ANGPT1: variants seen among roughly 807,000 people sequenced by gnomAD.
ANGPT1 encodes the protein angiopoietin 1, also known as angiopoietin-1.
A neutral mutation model predicts 62.2 loss-of-function variants in ANGPT1; 17 were observed. That is an observed-to-expected ratio of 0.27 (90% CI 0.19 to 0.41). The LOEUF is 0.41. Ranked by LOEUF, ANGPT1 falls within the 10% of genes least tolerant of loss-of-function variation. ANGPT1 has a pLI of 1.00. For missense variants in ANGPT1, 478 were observed against 594.9 expected (o/e 0.80, Z 2.04); for synonymous variants, 199 against 198.9 (o/e 1.00, Z 0.00).
chr8:107,443,218 C>T (rs1033305044), intron 1 of ANGPT1, among the ~76,000 whole-genome samples: 1 of 152,156 alleles, frequency 6.6e-6, no homozygotes, highest in African/African-American at 2.4e-5. Flanking sequence ...CCCCACAGGT[C>T]AGGAACAATA....
At chr8:107,317,074 A>T (rs111654744) in intron 4 of ANGPT1, among the ~76,000 whole-genome samples, 5,964 of 152,304 alleles carry the variant, frequency 0.039, 169 homozygotes, top group Non-Finnish European at 0.06. Context: ...TTCTGCCCTT[A>T]TCCTTCTGTT....
intron 7 of ANGPT1, among the ~76,000 whole-genome samples, chr8:107,278,807 C>T (rs28463677): frequency 0.013 from 2,008 of 152,326 alleles, 51 homozygotes; most frequent in African/African-American, 0.045. Context: ...TACAGCAAGG[C>T]AACAAATTTC....
chr8:107,461,955 A>G (rs1180019246), intron 1 of ANGPT1, among the ~76,000 whole-genome samples: 4 of 152,144 alleles, frequency 2.6e-5, no homozygotes, highest in Non-Finnish European at 5.9e-5. Flanking sequence ...TTTAGTAAAC[A>G]AACCACTAGT....
At chr8:107,299,306 T>C (rs952903740) in intron 5 of ANGPT1, among the ~76,000 whole-genome samples, 1 of 148,890 alleles carries the variant, frequency 6.7e-6, no homozygotes, top group Non-Finnish European at 1.5e-5. Context: ...TGCTAAGAAT[T>C]TGTATGGGGC....
At chr8:107,368,478 T>C (rs528287856) in intron 1 of ANGPT1, among the ~76,000 whole-genome samples, 1 of 64,644 alleles carries the variant, frequency 1.5e-5, no homozygotes, top group South Asian at 6.2e-4. Context: ...TATAAGTATA[T>C]TCCTTATACT....
At chr8:107,329,775 T>A (rs58034973) in intron 3 of ANGPT1, among the ~76,000 whole-genome samples, 8,627 of 152,084 alleles carry the variant, frequency 0.057, 548 homozygotes, top group African/African-American at 0.16. Flanking sequence ...TCAAAATGCA[T>A]TTAATACTAA....
chr8:107,261,471 C>A (rs1467097274), intron 8 of ANGPT1, among the ~76,000 whole-genome samples: 5 of 151,308 alleles, frequency 3.3e-5, no homozygotes, highest in Admixed American at 6.6e-5. Context: ...TTTGGGAGGC[C>A]GAGGCGGTCG....
chr8:107,353,815 C>T (rs936023249), intron 1 of ANGPT1, among the ~76,000 whole-genome samples: 1 of 152,072 alleles, frequency 6.6e-6, no homozygotes, highest in Non-Finnish European at 1.5e-5. Context: ...GTGAATGAGT[C>T]ATTTCAATAG....
chr8:107,280,289 C>G (rs535220040), intron 7 of ANGPT1, among the ~76,000 whole-genome samples: 1 of 152,048 alleles, frequency 6.6e-6, no homozygotes, highest in Admixed American at 6.6e-5. Flanking sequence ...CAACCTCCAC[C>G]TCCGGGGTTC....
intron 1 of ANGPT1, among the ~76,000 whole-genome samples, chr8:107,356,925 T>A (rs1026504828): frequency 6.6e-6 from 1 of 152,222 alleles, no homozygotes; most frequent in Admixed American, 6.5e-5. Context: ...GCATAAGATT[T>A]ACCCATTTAA....
chr8:107,444,003 A>G (rs1811547611), intron 1 of ANGPT1, among the ~76,000 whole-genome samples: 1 of 152,168 alleles, frequency 6.6e-6, no homozygotes, highest in Admixed American at 6.5e-5. Flanking sequence ...AGTATGCTTA[A>G]TGGCAATGTC....
At chr8:107,403,637 A>G (rs888548275) in intron 1 of ANGPT1, among the ~76,000 whole-genome samples, 1 of 152,142 alleles carries the variant, frequency 6.6e-6, no homozygotes, top group Non-Finnish European at 1.5e-5. Flanking sequence ...TCTCTTTGTG[A>G]TAGGATTAGA....
At chr8:107,487,600 G>A (rs894325456) in intron 1 of ANGPT1, among the ~76,000 whole-genome samples, 1 of 152,160 alleles carries the variant, frequency 6.6e-6, no homozygotes, top group East Asian at 1.9e-4. Flanking sequence ...AGAAATTGAT[G>A]GGGCTGCCTC....
intron 1 of ANGPT1, among the ~76,000 whole-genome samples, chr8:107,402,687 A>G (rs1334488591): frequency 6.6e-6 from 1 of 152,214 alleles, no homozygotes; most frequent in Non-Finnish European, 1.5e-5. Context: ...AAGAGTGGGC[A>G]GAAACCTAAT....
chr8:107,481,218 T>C (rs1434711651), intron 1 of ANGPT1, among the ~76,000 whole-genome samples: 1 of 152,094 alleles, frequency 6.6e-6, no homozygotes, highest in Admixed American at 6.6e-5. Flanking sequence ...CTTTCTGACT[T>C]TTTTGTTTCT....
rs554956868 is a variant in ANGPT1 at position 107,287,563 on chromosome 8, G to A, written c.1039-2715C>T. Among the ~76,000 whole-genome samples the A allele has an allele frequency of 3.0e-4, 46 of 152,284 alleles. 1 individual carries two copies. Among genetic ancestry groups the A allele is most frequent in the Admixed American group, 1.2e-3 (19 of 15,288 alleles). On this transcript the variant is annotated intron_variant, in intron 6 of 8. Coordinates refer to ENST00000517746, the MANE Select transcript of ANGPT1 (RefSeq NM_001146.5). ...AGGGAGGAAACCTTCTAATAGCCAA[G>A]TGCAGTGATCCAGAAACAACTGTTT...
chr8:107,449,929 G>A (rs894237052), intron 1 of ANGPT1, among the ~76,000 whole-genome samples: 1 of 152,016 alleles, frequency 6.6e-6, no homozygotes, highest in African/African-American at 2.4e-5. Flanking sequence ...ATTTGTTATA[G>A]TGTGTATGTA....
chr8:107,436,711 G>A (rs1311971292), intron 1 of ANGPT1, among the ~76,000 whole-genome samples: 2 of 152,118 alleles, frequency 1.3e-5, no homozygotes, highest in Non-Finnish European at 2.9e-5. Flanking sequence ...ACACTGACCC[G>A]TGAGGACAGC....
At chr8:107,374,586 A>T (rs1371383381) in intron 1 of ANGPT1, among the ~76,000 whole-genome samples, 1 of 152,116 alleles carries the variant, frequency 6.6e-6, no homozygotes, top group African/African-American at 2.4e-5. Context: ...ATTCTCTCAA[A>T]AGCATTATAT....
Sources: gnomAD v4.1 joint callset for allele counts (sites outside exome capture counted in the v4.1 genomes callset) on GRCh38, gnomAD v4.1.1 for gene constraint, MANE v1.5 for transcripts, NCBI Gene and HGNC (gene_info 2026-07-23, HGNC 2026-07-21) for gene names.